NME7: variants seen among roughly 807,000 people sequenced by gnomAD.
NME7 encodes the protein NME/NM23 family member 7, also known as nucleoside diphosphate kinase 7.
A neutral mutation model predicts 49.1 loss-of-function variants in NME7; 41 were observed. The observed-to-expected ratio is 0.83, with a 90% confidence interval of 0.65 to 1.08. The LOEUF (loss-of-function observed/expected upper bound fraction) is 1.08, where lower values mean the gene tolerates loss of function less well. NME7 is among the 50% of genes least tolerant of loss of function. The pLI, the probability that NME7 is intolerant of heterozygous loss-of-function variation, is 0.00. For synonymous variants in NME7, 139 were observed against 150.6 expected, an observed-to-expected ratio of 0.92 and a Z score of 0.56; for missense variants, 423 against 463.4, an observed-to-expected ratio of 0.91 and a Z score of 0.80.
intron 10 of NME7, among the ~76,000 whole-genome samples, chr1:169,217,944 T>A (rs1661017981): frequency 6.6e-6 from 1 of 152,122 alleles, no homozygotes; most frequent in Non-Finnish European, 1.5e-5. Flanking sequence ...CATTTATACT[T>A]CCCTTTTCTA....
chr1:169,293,301 CAAAA>C, intron 6 of NME7, among the ~76,000 whole-genome samples: 1 of 108,684 alleles, frequency 9.2e-6, no homozygotes, highest in East Asian at 2.2e-4. Context: ...CTCTTGTCTC[CAAAA>C]AAAAAAAAAA....
chr1:169,261,888 A>G (rs1277199728), intron 7 of NME7, among the ~76,000 whole-genome samples: 2 of 134,432 alleles, frequency 1.5e-5, no homozygotes, highest in African/African-American at 5.0e-5. Flanking sequence ...AAAGTTTGAG[A>G]AGCACTATCT....
At chr1:169,216,110 C>T (rs2101800067) in intron 10 of NME7, among the ~76,000 whole-genome samples, 1 of 152,348 alleles carries the variant, frequency 6.6e-6, no homozygotes, top group South Asian at 2.1e-4. Context: ...TGTCTAAACA[C>T]ATTTGGTCTT....
At chr1:169,208,730 T>C (rs1223215411) in intron 10 of NME7, among the ~76,000 whole-genome samples, 3 of 152,076 alleles carry the variant, frequency 2.0e-5, no homozygotes, top group African/African-American at 7.2e-5. Context: ...TCACAATTCC[T>C]AGAAGTAAAT....
chr1:169,249,060 TG>T lies in NME7; in HGVS notation c.755-11374del, dbSNP rs558377330. 3.4e-3 allele frequency among the ~76,000 whole-genome samples: 518 copies of T among 152,276 alleles called. 6 individuals are homozygous for T. Among genetic ancestry groups the T allele is most frequent in the African/African-American group, 0.012 (487 of 41,566 alleles). The stretch of plus-strand genomic sequence containing the variant: ...TTTGATAGGAATTGCACTGAATCAG[TG>T]GATTGCTTTGGGTAGTATGGTCATT... On this transcript the variant is annotated intron_variant, in intron 7 of 11. Coordinates refer to ENST00000367811, the MANE Select transcript of NME7 (RefSeq NM_013330.5).
intron 10 of NME7, among the ~76,000 whole-genome samples, chr1:169,170,199 G>A (rs1231350655): frequency 6.6e-6 from 1 of 152,176 alleles, no homozygotes; most frequent in African/African-American, 2.4e-5. Flanking sequence ...GGTGGGAGGA[G>A]AGGGGGCTAT....
At chr1:169,335,518 T>C (rs1652424229) in intron 1 of NME7, among the ~76,000 whole-genome samples, 1 of 150,240 alleles carries the variant, frequency 6.7e-6, no homozygotes, top group African/African-American at 2.5e-5. Context: ...TGAGAACACA[T>C]AGAGAGGGGA....
chr1:169,151,309 T>C (rs1311306287), intron 11 of NME7, among the ~76,000 whole-genome samples: 1 of 151,990 alleles, frequency 6.6e-6, no homozygotes, highest in Admixed American at 6.5e-5. Context: ...GGGCAGCTGA[T>C]GAAATGAGTG....
intron 10 of NME7, among the ~76,000 whole-genome samples, chr1:169,220,445 CTG>C (rs1249375074): frequency 6.6e-6 from 1 of 152,068 alleles, no homozygotes; most frequent in African/African-American, 2.4e-5. Context: ...AGTGTGAAAC[CTG>C]TGACAGTCCT....
intron 3 of NME7, among the ~76,000 whole-genome samples, chr1:169,315,679 A>G (rs1309330584): frequency 6.6e-6 from 1 of 152,360 alleles, no homozygotes; most frequent in African/African-American, 2.4e-5. Context: ...CTCTAGACAC[A>G]TGCAATTCAG....
intron 7 of NME7, chr1:169,246,930 C>G: frequency 2.3e-6 from 1 of 432,164 alleles, no homozygotes; most frequent in South Asian, 1.7e-5. Context: ...ACTTTGTGTA[C>G]TGAAATTCAT....
At chr1:169,335,726 TAATA>T (rs1652436975) in intron 1 of NME7, among the ~76,000 whole-genome samples, 1 of 146,986 alleles carries the variant, frequency 6.8e-6, no homozygotes, top group Admixed American at 6.8e-5. Flanking sequence ...ATTAAATAAA[TAATA>T]TATATTTAAT....
intron 7 of NME7, among the ~76,000 whole-genome samples, chr1:169,244,654 A>AT (rs1323964221): frequency 6.6e-6 from 1 of 151,696 alleles, no homozygotes; most frequent in African/African-American, 2.4e-5. Flanking sequence ...AAAAAAAAAA[A>AT]ATTAAGTTGT....
chr1:169,225,042 T>C (rs1042922263), intron 10 of NME7, among the ~76,000 whole-genome samples: 1 of 152,134 alleles, frequency 6.6e-6, no homozygotes, highest in African/African-American at 2.4e-5. Context: ...GAGAAGGATA[T>C]AGAAACAGAA....
chr1:169,230,646 G>A (rs966615390), intron 10 of NME7, 72 bp downstream of exon 10: 17 of 968,952 alleles, frequency 1.8e-5, no homozygotes, highest in East Asian at 5.9e-5. Context: ...AGGAACAAAC[G>A]AAAAATTTTA....
intron 11 of NME7, among the ~76,000 whole-genome samples, chr1:169,147,906 T>C (rs1352634357): frequency 6.6e-6 from 1 of 152,228 alleles, no homozygotes; most frequent in Non-Finnish European, 1.5e-5. Context: ...TGTTATAACT[T>C]CTTTCACAAT....
chr1:169,251,018 T>C (rs1273471569), intron 7 of NME7, among the ~76,000 whole-genome samples: 1 of 152,036 alleles, frequency 6.6e-6, no homozygotes, highest in African/African-American at 2.4e-5. Context: ...TTTAGGTCCA[T>C]TATTTCTTTG....
At chr1:169,218,392 C>T (rs1661035889) in intron 10 of NME7, among the ~76,000 whole-genome samples, 2 of 152,166 alleles carry the variant, frequency 1.3e-5, no homozygotes, top group Admixed American at 1.3e-4. Flanking sequence ...AGGAGACCAG[C>T]CTGGGCAACA....
At chr1:169,283,479 C>A (rs1045514886) in intron 7 of NME7, among the ~76,000 whole-genome samples, 1 of 152,078 alleles carries the variant, frequency 6.6e-6, no homozygotes, top group East Asian at 1.9e-4. Context: ...TGAATTTGAT[C>A]CTGTCATTAT....
Sources: gnomAD v4.1 joint callset for allele counts (sites outside exome capture counted in the v4.1 genomes callset) on GRCh38, gnomAD v4.1.1 for gene constraint, MANE v1.5 for transcripts, NCBI Gene and HGNC (gene_info 2026-07-23, HGNC 2026-07-21) for gene names.